TBCE: variants seen among roughly 807,000 people sequenced by gnomAD.
TBCE encodes the protein tubulin-specific chaperone E.
In TBCE, 53 loss-of-function variants were observed where a neutral mutation model predicts 77.0. That is an observed-to-expected ratio of 0.69 (90% CI 0.55 to 0.87). TBCE has a LOEUF of 0.87. Among genes scored for constraint, TBCE ranks in the 40% least tolerant of loss-of-function variants. The pLI, the probability that TBCE is intolerant of heterozygous loss-of-function variation, is 0.00. For missense variants in TBCE, 624 were observed against 622.4 expected (o/e 1.00, Z -0.03); for synonymous variants, 235 against 241.3 (o/e 0.97, Z 0.24).
chr1:235,423,105 C>G (rs974447040), intron 5 of TBCE, among the ~76,000 whole-genome samples: 5 of 152,144 alleles, frequency 3.3e-5, no homozygotes, highest in Non-Finnish European at 5.9e-5. Context: ...TCCAGTCATC[C>G]TTTTTTGGGT....
At chr1:235,437,533 C>T in intron 12 of TBCE, 59 bp downstream of exon 12, 2 of 1,595,254 alleles carry the variant, frequency 1.3e-6, no homozygotes, top group Non-Finnish European at 1.7e-6. Flanking sequence ...GATTTTAGGC[C>T]AGGCGCCGTG....
At chr1:235,440,128 A>G (rs1000495812) in intron 13 of TBCE, among the ~76,000 whole-genome samples, 273 of 151,382 alleles carry the variant, frequency 1.8e-3, no homozygotes, top group African/African-American at 4.4e-3. Flanking sequence ...CCACCACCAC[A>G]CCCGGCTAAT....
At chr1:235,448,326 G>A (rs777784402) in intron 15 of TBCE, 23 bp from the exon 16 acceptor site, 3 of 1,607,508 alleles carry the variant, frequency 1.9e-6, no homozygotes, top group Non-Finnish European at 2.6e-6. Flanking sequence ...GAGAACGAAT[G>A]GACTTTTCTT....
intron 1 of TBCE, among the ~76,000 whole-genome samples, chr1:235,377,825 G>A (rs2102808477): frequency 6.6e-6 from 1 of 152,032 alleles, no homozygotes; most frequent in Non-Finnish European, 1.5e-5. Flanking sequence ...GCTAGTTTTT[G>A]TATTTTTAGT....
Position 235,414,549 on chromosome 1 carries a change from A to C in TBCE, c.302A>C (p.Glu101Ala). ...GATGGACCAGAGGAAGATAGAAAAG[A>C]GCAAATTGTTACAATTGGAAATAAA... Reference protein sequence around the residue: ...LEDGPEEDRKEQIVTIGNKPV... With the variant: ...LEDGPEEDRKAQIVTIGNKPV... Residue 101 changes from glutamate (E) to alanine (A), a missense_variant, in exon 4 of 17, where the codon GAG becomes GCG. Glu to Ala is a moderately radical substitution (Grantham distance 107). Coordinates refer to ENST00000642610, the MANE Select transcript of TBCE (RefSeq NM_003193.5). The C allele has an allele frequency of 6.2e-7, 1 of 1,613,970 alleles. No homozygotes were observed. The highest frequency in any genetic ancestry group is 8.5e-7 in the Non-Finnish European group (1 of 1,180,008).
chr1:235,449,771 T>C lies in TBCE; in HGVS notation c.*1009T>C, dbSNP rs1483489642. ...ACACAGCATTCCTGTGAGTTCCTTT[T>C]TGTCTGATAATTATCCTAATTAGCT... is the stretch of plus-strand genomic sequence containing the variant. On this transcript the variant is annotated 3_prime_UTR_variant, in exon 17 of 17. Transcript: ENST00000642610. The C allele has an allele frequency of 6.5e-6, 1 of 154,832 alleles. No homozygotes were observed. Among genetic ancestry groups the C allele is most frequent in the African/African-American group, 2.4e-5 (1 of 41,408 alleles). The allele number at this position is 154,832 out of a possible 1,614,324, so 9.6% of individuals were successfully genotyped here.
At chr1:235,393,896 T>C (rs1678560158) in intron 2 of TBCE, among the ~76,000 whole-genome samples, 1 of 152,182 alleles carries the variant, frequency 6.6e-6, no homozygotes, top group Non-Finnish European at 1.5e-5. Flanking sequence ...CATCTAAAGA[T>C]TGTATCAAAC....
intron 1 of TBCE, among the ~76,000 whole-genome samples, chr1:235,370,306 T>C (rs1676829804): frequency 6.7e-6 from 1 of 149,484 alleles, no homozygotes; most frequent in African/African-American, 2.5e-5. Flanking sequence ...CAGGCTGGAG[T>C]GCAGTGGTAC....
In TBCE at chr1:235,451,541, A is replaced by G. The variant is rs1682902126; in HGVS notation, c.*2779A>G. On this transcript the variant is annotated 3_prime_UTR_variant, in exon 17 of 17. Coordinates refer to ENST00000642610, the MANE Select transcript of TBCE (RefSeq NM_003193.5). ...ATGAACAACAGTTGTAGAAACAACA[A>G]ACTGCAAAATCAGACCCAGCAAAGA... 6.6e-6 allele frequency: 1 copy of G among 152,174 alleles called. No homozygotes were observed. The highest frequency in any genetic ancestry group is 2.4e-5 in the African/African-American group (1 of 41,434). The allele number at this position is 152,174 out of a possible 1,614,324, so 9.4% of individuals were successfully genotyped here.
At chr1:235,388,702 T>C (rs1279993155) in intron 2 of TBCE, among the ~76,000 whole-genome samples, 1 of 152,270 alleles carries the variant, frequency 6.6e-6, no homozygotes, top group African/African-American at 2.4e-5. Context: ...AATATTCACA[T>C]TCTCTGGGAA....
At chr1:235,418,152 C>CAT in intron 4 of TBCE, among the ~76,000 whole-genome samples, 1 of 152,214 alleles carries the variant, frequency 6.6e-6, no homozygotes, top group East Asian at 1.9e-4. Context: ...CACATTGCGG[C>CAT]ATATGTCAGA....
At position 235,449,189 on chromosome 1, in the gene TBCE, A is replaced by G; in HGVS notation, c.*427A>G. ...GGTCATTTTGGGAAATGTCCCTTAA[A>G]CTTGGGGAGACATCCTCTACTATGT... On this transcript the variant is annotated 3_prime_UTR_variant, in exon 17 of 17. Coordinates refer to ENST00000642610, the MANE Select transcript of TBCE (RefSeq NM_003193.5). The G allele has an allele frequency of 8.1e-6, 2 of 248,028 alleles. No homozygotes were observed. Among genetic ancestry groups the G allele is most frequent in the South Asian group, 4.9e-5 (1 of 20,260 alleles). The allele number at this position is 248,028 out of a possible 1,614,324, so 15.4% of individuals were successfully genotyped here. A position where few individuals can be genotyped will look rare whatever the true frequency, so the allele number is the denominator to read the frequency against.
chr1:235,445,857 C>T (rs547954187), intron 15 of TBCE, among the ~76,000 whole-genome samples: 35 of 152,206 alleles, frequency 2.3e-4, no homozygotes, highest in African/African-American at 3.9e-4. Context: ...TACTTGCCAG[C>T]GGAGGAATGG....
At chr1:235,378,320 A>G (rs1430846181) in intron 1 of TBCE, among the ~76,000 whole-genome samples, 1 of 152,128 alleles carries the variant, frequency 6.6e-6, no homozygotes, top group East Asian at 1.9e-4. Context: ...TTCTGGGCTC[A>G]CATGATCCTC....
intron 2 of TBCE, among the ~76,000 whole-genome samples, chr1:235,392,184 A>AATAG (rs1459338920): frequency 1.3e-5 from 2 of 151,542 alleles, no homozygotes; most frequent in African/African-American, 4.9e-5. Context: ...TAAATAAATA[A>AATAG]GTACATAAAT....
At chr1:235,431,351 G>A (rs1681071986) in intron 7 of TBCE, among the ~76,000 whole-genome samples, 1 of 151,646 alleles carries the variant, frequency 6.6e-6, no homozygotes, top group East Asian at 1.9e-4. Context: ...CACACCCAGA[G>A]CATTCCACTT....
intron 3 of TBCE, chr1:235,413,780 CTG>C (rs1679949162): frequency 6.8e-6 from 1 of 148,126 alleles, no homozygotes; most frequent in African/African-American, 2.5e-5. Context: ...AGGTCTCTCT[CTG>C]TTACCAAAAT....
chr1:235,414,149 C>T (rs1459234752), intron 3 of TBCE, among the ~76,000 whole-genome samples: 1 of 152,118 alleles, frequency 6.6e-6, no homozygotes, highest in Non-Finnish European at 1.5e-5. Flanking sequence ...AGCCACCGTG[C>T]CTGGCCACCC....
At chr1:235,370,566 T>G (rs1021270288) in intron 1 of TBCE, among the ~76,000 whole-genome samples, 9 of 145,476 alleles carry the variant, frequency 6.2e-5, no homozygotes, top group African/African-American at 1.6e-4. Context: ...TTTTTTTTTT[T>G]GGGAAGATCT....
Sources: gnomAD v4.1 joint callset for allele counts (sites outside exome capture counted in the v4.1 genomes callset) on GRCh38, gnomAD v4.1.1 for gene constraint, MANE v1.5 for transcripts, NCBI Gene and HGNC (gene_info 2026-07-23, HGNC 2026-07-21) for gene names.